Variants in RBMS3 observed in about 807,000 individuals in gnomAD.
The protein encoded by RBMS3 is RNA binding motif single stranded interacting protein 3.
A neutral mutation model predicts 66.8 loss-of-function variants in RBMS3; 27 were observed. That is an observed-to-expected ratio of 0.40 (90% CI 0.30 to 0.56). The LOEUF (loss-of-function observed/expected upper bound fraction) is 0.56, where lower values mean the gene tolerates loss of function less well. Ranked by LOEUF, RBMS3 falls within the 20% of genes least tolerant of loss-of-function variation. The pLI is 0.40. For synonymous variants in RBMS3, 188 were observed against 183.0 expected (o/e 1.03, Z -0.22); for missense variants, 513 against 549.5 (o/e 0.93, Z 0.66).
At chr3:29,845,648 TAAAC>T (rs902948751) in intron 6 of RBMS3, among the ~76,000 whole-genome samples, 39 of 152,294 alleles carry the variant, frequency 2.6e-4, no homozygotes, top group African/African-American at 8.9e-4. Flanking sequence ...AGGTAACAGA[TAAAC>T]AATGGACAAA....
chr3:29,884,828 T>C (rs558351531), intron 8 of RBMS3, among the ~76,000 whole-genome samples: 2 of 151,956 alleles, frequency 1.3e-5, no homozygotes, highest in Non-Finnish European at 2.9e-5. Flanking sequence ...TCTTACTTCC[T>C]AATGTCTTTG....
intron 1 of RBMS3, among the ~76,000 whole-genome samples, chr3:29,386,051 G>A (rs1007735007): frequency 8.5e-5 from 13 of 152,126 alleles, no homozygotes; most frequent in South Asian, 2.1e-4. Flanking sequence ...TCCTTATACC[G>A]TTGCTTATAT....
At chr3:29,594,013 C>T (rs1359231475) in intron 4 of RBMS3, among the ~76,000 whole-genome samples, 11 of 152,136 alleles carry the variant, frequency 7.2e-5, no homozygotes, top group Admixed American at 5.2e-4. Flanking sequence ...TTTCTAATCA[C>T]GTGACATTTG....
chr3:29,728,609 T>C (rs1189538193), intron 4 of RBMS3, among the ~76,000 whole-genome samples: 1 of 152,130 alleles, frequency 6.6e-6, no homozygotes, highest in Non-Finnish European at 1.5e-5. Flanking sequence ...AAACTGATTT[T>C]CATTATGATA....
intron 3 of RBMS3, among the ~76,000 whole-genome samples, chr3:29,560,777 G>A (rs926417772): frequency 6.6e-6 from 1 of 152,152 alleles, no homozygotes; most frequent in Non-Finnish European, 1.5e-5. Context: ...ACAAGTGCAG[G>A]TTTGTTACAT....
At chr3:29,708,048 G>A (rs890095600) in intron 4 of RBMS3, among the ~76,000 whole-genome samples, 3 of 152,174 alleles carry the variant, frequency 2.0e-5, no homozygotes, top group Non-Finnish European at 2.9e-5. Context: ...TGCACCTTCC[G>A]TTTAGAGAGT....
chr3:29,587,303 G>T, intron 4 of RBMS3, 98 bp downstream of exon 4: 1 of 676,916 alleles, frequency 1.5e-6, no homozygotes, highest in Non-Finnish European at 2.2e-6. Flanking sequence ...AGATCAGGAG[G>T]AAGGAAGAAG....
intron 6 of RBMS3, among the ~76,000 whole-genome samples, chr3:29,860,567 TA>T (rs1176084030): frequency 6.6e-6 from 1 of 152,204 alleles, no homozygotes; most frequent in Non-Finnish European, 1.5e-5. Context: ...TACGAATGCC[TA>T]TCTATGTCTC....
intron 4 of RBMS3, among the ~76,000 whole-genome samples, chr3:29,644,949 G>A (rs1353349712): frequency 6.6e-6 from 1 of 152,054 alleles, no homozygotes; most frequent in Non-Finnish European, 1.5e-5. Flanking sequence ...GAAATTAATG[G>A]CATAGTCACT....
intron 6 of RBMS3, among the ~76,000 whole-genome samples, chr3:29,803,733 C>T (rs1438351149): frequency 1.3e-5 from 2 of 151,890 alleles, no homozygotes; most frequent in African/African-American, 4.8e-5. Context: ...CATACACACA[C>T]ACATTTGAAC....
In RBMS3 at chr3:29,928,211, T is replaced by TATATAC. The variant is rs1291440563; in HGVS notation, c.940-7874_940-7873insTATACA. Among the ~76,000 whole-genome samples the TATATAC allele has an allele frequency of 7.2e-3, 676 of 93,452 alleles. 3 individuals are homozygous for TATATAC. The highest frequency in any genetic ancestry group is 0.018 in the East Asian group (58 of 3,238). 61.3% of individuals were successfully genotyped at this position (93,452 alleles called of 152,430 possible). A position where few individuals can be genotyped will look rare whatever the true frequency, so the allele number is the denominator to read the frequency against. ...ATATATATATATATATATATATATA[T>TATATAC]ACACACACACACACACACACACACA... is the stretch of plus-strand genomic sequence containing the variant. On this transcript the variant is annotated intron_variant, in intron 10 of 14. Coordinates refer to ENST00000383767, the MANE Select transcript of RBMS3 (RefSeq NM_001003793.3).
At chr3:29,582,128 C>T (rs1431267933) in intron 3 of RBMS3, among the ~76,000 whole-genome samples, 1 of 151,024 alleles carries the variant, frequency 6.6e-6, no homozygotes, top group Non-Finnish European at 1.5e-5. Flanking sequence ...CTGGACACTA[C>T]TATTCTTTGT....
chr3:29,726,000 C>T (rs567869988), intron 4 of RBMS3, among the ~76,000 whole-genome samples: 1 of 152,274 alleles, frequency 6.6e-6, no homozygotes, highest in South Asian at 2.1e-4. Flanking sequence ...CATGAAAAAG[C>T]TTATCCACCA....
At chr3:29,722,403 A>G (rs1461162669) in intron 4 of RBMS3, among the ~76,000 whole-genome samples, 1 of 152,168 alleles carries the variant, frequency 6.6e-6, no homozygotes, top group Non-Finnish European at 1.5e-5. Context: ...GTTTAGTTAT[A>G]TGTCCTAATA....
chr3:29,679,118 T>C (rs1270375547), intron 4 of RBMS3, among the ~76,000 whole-genome samples: 1 of 152,096 alleles, frequency 6.6e-6, no homozygotes, highest in African/African-American at 2.4e-5. Context: ...CTAGACCTGC[T>C]AAATTAGTGT....
At chr3:29,538,186 A>G (rs1004244986) in intron 3 of RBMS3, among the ~76,000 whole-genome samples, 1 of 152,200 alleles carries the variant, frequency 6.6e-6, no homozygotes, top group African/African-American at 2.4e-5. Context: ...ATAAATGTGG[A>G]TAGGTAGAAG....
chr3:30,008,020 T>G lies in RBMS3; in HGVS notation c.*4158T>G, dbSNP rs1335949281. On this transcript the variant is annotated 3_prime_UTR_variant, in exon 15 of 15. Coordinates refer to ENST00000383767, the MANE Select transcript of RBMS3 (RefSeq NM_001003793.3). Reference sequence around the variant, plus strand: ...GCCTAAAAATACATCTTTGGACCCCTTGCAAAGTGCTTTAAAAGTACTTTC... The same window carrying G: ...GCCTAAAAATACATCTTTGGACCCCGTGCAAAGTGCTTTAAAAGTACTTTC... 6.6e-6 allele frequency: 1 copy of G among 152,032 alleles called. No individual in the cohort carries two copies. Among genetic ancestry groups the G allele is most frequent in the Non-Finnish European group, 1.5e-5 (1 of 67,964 alleles). 9.4% of individuals were successfully genotyped at this position (152,032 alleles called of 1,614,324 possible).
chr3:29,699,981 A>G (rs17615009), intron 4 of RBMS3, among the ~76,000 whole-genome samples: 4,121 of 152,272 alleles, frequency 0.027, 79 homozygotes, highest in Admixed American at 0.064. Flanking sequence ...TTAAGACTGA[A>G]CAAAGGGACT....
At chr3:29,440,798 C>T (rs531401019) in intron 2 of RBMS3, among the ~76,000 whole-genome samples, 1 of 152,246 alleles carries the variant, frequency 6.6e-6, no homozygotes, top group African/African-American at 2.4e-5. Flanking sequence ...ATCCAGGCTC[C>T]GAGCGCAGAG....
Sources: allele counts gnomAD v4.1 joint callset (sites outside exome capture counted in the v4.1 genomes callset), GRCh38; gene constraint gnomAD v4.1.1; transcripts MANE v1.5; gene names NCBI Gene and HGNC (gene_info 2026-07-23, HGNC 2026-07-21).